Variants in PPOX observed in about 807,000 individuals in gnomAD.
PPOX encodes protoporphyrinogen oxidase, also known as variegate porphyria.
Under a neutral mutation model 54.1 loss-of-function variants are expected in PPOX, and 23 were observed. The observed-to-expected ratio is 0.43, with a 90% confidence interval of 0.31 to 0.60. PPOX has a LOEUF of 0.60. Ranked by LOEUF, PPOX falls within the 20% of genes least tolerant of loss-of-function variation. The pLI is 0.13. For synonymous variants in PPOX, 224 were observed against 236.1 expected (o/e 0.95, Z 0.47); for missense variants, 512 against 601.1 (o/e 0.85, Z 1.55).
exon 5 of PPOX, chr1:161,176,879 C>T (rs930110894): frequency 6.5e-7 from 1 of 1,536,052 alleles, no homozygotes; most frequent in African/African-American, 1.4e-5. Context: ...GCGACAGAGT[C>T]ATGACAGGAC....
chr1:161,166,930 C>A lies in PPOX; in HGVS notation c.83C>A (p.Pro28His), dbSNP rs374585133. 2 of 1,613,990 alleles carry A rather than the reference C, an allele frequency of 1.2e-6. No individual in the cohort carries two copies. Among genetic ancestry groups the A allele is most frequent in the Non-Finnish European group, 1.7e-6 (2 of 1,180,006 alleles). Residue 28 changes from proline (P) to histidine (H), a missense_variant, in exon 2 of 13, where the codon CCT (proline) becomes CAT (histidine). Pro to His is a moderately conservative substitution (Grantham distance 77). Transcript: ENST00000367999. ...CACCTGAGCCGGGCCCCCTGCCCCC[C>A]TAAGGTGAGTGCTCCACTTGTGCCA... ...SYHLSRAPCP[P>H]KVVLVESSER... is the part of the protein sequence containing the mutation.
chr1:161,175,008 G>T (rs770385228), downstream of PPOX: 2 of 1,613,582 alleles, frequency 1.2e-6, no homozygotes, highest in Non-Finnish European at 8.5e-7. Flanking sequence ...GGATGACATA[G>T]ATGCCATAAG....
chr1:161,175,771 G>T (rs981937608), downstream of PPOX: 9 of 1,606,182 alleles, frequency 5.6e-6, no homozygotes, highest in African/African-American at 1.3e-5. Context: ...TCCGCACCTT[G>T]TCCTTCCTTT....
chr1:161,176,812 G>A (rs979080173), intron 4 of PPOX: 4 of 1,517,200 alleles, frequency 2.6e-6, no homozygotes, highest in Non-Finnish European at 3.5e-6. Flanking sequence ...TGGGGAGTGG[G>A]GACAGGACAG....
At chr1:161,169,817 C>A in intron 8 of PPOX, 89 bp from the exon 9 acceptor site, 1 of 1,613,946 alleles carries the variant, frequency 6.2e-7, no homozygotes, top group Non-Finnish European at 8.5e-7. Context: ...TGCCCCTGAA[C>A]TGGTCATCTC....
At chr1:161,166,059 G>A (rs1558014226), upstream of PPOX, 1 of 978,976 alleles carries the variant, frequency 1.0e-6, no homozygotes, top group Non-Finnish European at 1.2e-6. Flanking sequence ...TAACATCAAG[G>A]AGCTGTTTAT....
downstream of PPOX, among the ~76,000 whole-genome samples, chr1:161,174,631 T>C (rs1298684927): frequency 6.6e-6 from 1 of 152,212 alleles, no homozygotes; most frequent in East Asian, 1.9e-4. Flanking sequence ...ACAGATGGTA[T>C]ATTAGTTATC....
chr1:161,166,732 A>T, intron 1 of PPOX, 60 bp downstream of exon 1: 1 of 1,554,456 alleles, frequency 6.4e-7, no homozygotes, highest in Non-Finnish European at 8.6e-7. Flanking sequence ...GTGCACACTT[A>T]GTTTCCCCTA....
chr1:161,167,061 T>G, intron 2 of PPOX, 39 bp from the exon 3 acceptor site: 1 of 1,614,158 alleles, frequency 6.2e-7, no homozygotes, highest in Non-Finnish European at 8.5e-7. Context: ...CGCCGGCGGC[T>G]ACAGGCGGTG....
intron 4 of PPOX, 138 bp from the exon 5 acceptor site, chr1:161,167,857 C>G (rs1659679518): frequency 3.5e-6 from 5 of 1,425,514 alleles, no homozygotes; most frequent in Non-Finnish European, 4.9e-6. Context: ...GCCACCACGC[C>G]CGACCTGCCT....
In PPOX at chr1:161,176,704, G is replaced by A. The variant is rs1663664355; in HGVS notation, c.373-145G>A. 7 of 647,568 alleles carry A rather than the reference G, an allele frequency of 1.1e-5. No homozygotes were observed. In the Middle Eastern group the frequency reaches 1.1e-3, roughly 99 times the overall value. The allele number at this position is 647,568 out of a possible 1,614,324, so 40.1% of individuals were successfully genotyped here. ...TTGGAAAGGAAGAGGAGGAGCAGGAGATGGTAGGTCCCTCGCCTATCTCCC... is the reference window on the plus strand; with the variant it reads ...TTGGAAAGGAAGAGGAGGAGCAGGAAATGGTAGGTCCCTCGCCTATCTCCC... On this transcript the variant is annotated intron_variant, in intron 4 of 4. Coordinates refer to the PPOX transcript ENST00000497522.
chr1:161,174,793 A>C (rs140028004), downstream of PPOX: 168 of 600,468 alleles, frequency 2.8e-4, no homozygotes, highest in East Asian at 4.7e-3. Context: ...AGTGTAGGAC[A>C]GTGGGAATAA....
At chr1:161,169,848 G>C in intron 8 of PPOX, 58 bp from the exon 9 acceptor site, 1 of 1,614,128 alleles carries the variant, frequency 6.2e-7, no homozygotes, top group African/African-American at 1.3e-5. Context: ...TAATCCCAAA[G>C]AGGACTGACA....
At chr1:161,169,777 A>T in intron 8 of PPOX, 57 bp downstream of exon 8, 1 of 1,613,398 alleles carries the variant, frequency 6.2e-7, no homozygotes, top group South Asian at 1.1e-5. Flanking sequence ...AGCAAAAGCT[A>T]TACCTTCCTG....
rs758572020 is a variant in PPOX, at chr1:161,169,022, A to G, written c.646A>G (p.Ile216Val). 3 of 1,614,086 alleles carry G rather than the reference A, an allele frequency of 1.9e-6. No homozygotes were observed. In the East Asian group the frequency reaches 6.7e-5, roughly 36 times the overall value. ...GACCCCACAGCCAGACTCAGCACTC[A>G]TTCGCCAGGCCTTGGCTGAGCGCTG... is the stretch of plus-strand genomic sequence containing the variant. ...GRTPQPDSAL[I>V]RQALAERWSQ... The change falls in exon 7 of 13, where the codon ATT becomes GTT. Residue 216 changes from isoleucine to valine, a missense_variant. Transcript: ENST00000367999.
chr1:161,171,799 TAG>T (rs771570356), downstream of PPOX: 3 of 1,613,074 alleles, frequency 1.9e-6, no homozygotes, highest in Non-Finnish European at 2.5e-6. Context: ...ATGATTAAGG[TAG>T]ACAGGAAGGA....
In PPOX at chr1:161,169,143, C is replaced by T. The variant is rs12735723; in HGVS notation, c.767C>T (p.Pro256Leu). The T allele has an allele frequency of 1.4e-5, 22 of 1,614,144 alleles. No individual in the cohort carries two copies. Among genetic ancestry groups the T allele is most frequent in the South Asian group, 1.3e-4 (12 of 91,090 alleles). ...GGGGTCAGTGTTCTCAGAGGCCAGC[C>T]GGTCTGTGGGCTCAGCCTCCAGGCA... ...SRGVSVLRGQ[P>L]VCGLSLQAEG... Residue 256 changes from proline (P) to leucine (L), a missense_variant, in exon 7 of 13, where the codon CCG becomes CTG. By Grantham distance (98) the Pro-to-Leu change is moderately conservative (BLOSUM62 -3). Coordinates refer to ENST00000367999, the MANE Select transcript of PPOX (RefSeq NM_001122764.3).
chr1:161,170,788 C>T lies in PPOX; in HGVS notation c.1248+19C>T, dbSNP rs41270031. On this transcript the variant is annotated intron_variant, in intron 11 of 12. Coordinates refer to ENST00000367999, the MANE Select transcript of PPOX (RefSeq NM_001122764.3). ...ACACAAGGTAAGTTGGGATAAACTTCCCTCAGCTCTCCACTGAAGGCCTTG... is the reference window on the plus strand; with the variant it reads ...ACACAAGGTAAGTTGGGATAAACTTTCCTCAGCTCTCCACTGAAGGCCTTG... 3.5e-4 allele frequency: 569 copies of T among 1,613,954 alleles called. No individual in the cohort carries two copies. Among genetic ancestry groups the T allele is most frequent in the Non-Finnish European group, 4.7e-4 (555 of 1,180,018 alleles).
downstream of PPOX, chr1:161,173,643 G>C: frequency 6.2e-7 from 1 of 1,614,152 alleles, no homozygotes; most frequent in Non-Finnish European, 8.5e-7. Flanking sequence ...CCCAGCCCCA[G>C]TATTCATTGG....
Sources: gnomAD v4.1 joint callset for allele counts (sites outside exome capture counted in the v4.1 genomes callset) on GRCh38, gnomAD v4.1.1 for gene constraint, MANE v1.5 for transcripts, NCBI Gene and HGNC (gene_info 2026-07-23, HGNC 2026-07-21) for gene names.